Variants in DYNC2I1 observed in about 807,000 individuals in gnomAD.
The protein encoded by DYNC2I1 is dynein 2 intermediate chain 1, also known as cytoplasmic dynein 2 intermediate chain 1.
A neutral mutation model predicts 133.4 loss-of-function variants in DYNC2I1; 89 were observed. That is an observed-to-expected ratio of 0.67 (90% confidence interval 0.56 to 0.80). DYNC2I1 has a LOEUF of 0.80. Among genes scored for constraint, DYNC2I1 ranks in the 30% least tolerant of loss-of-function variants. The probability of loss-of-function intolerance (pLI) is 0.00; values close to 1 mark genes in which losing one functional copy is unlikely to be tolerated. For missense variants in DYNC2I1, 1,291 were observed against 1,314.5 expected (o/e 0.98, Z 0.28); for synonymous variants, 504 against 484.3 (o/e 1.04, Z -0.54).
chr7:158,945,457 G>A lies in DYNC2I1; in HGVS notation c.3003-124G>A. 1.8e-6 allele frequency: 2 copies of A among 1,097,444 alleles called. No individual in the cohort carries two copies. Among genetic ancestry groups the A allele is most frequent in the Non-Finnish European group, 2.6e-6 (2 of 783,804 alleles). 68.0% of individuals were successfully genotyped at this position (1,097,444 alleles called of 1,614,324 possible). On this transcript the variant is annotated intron_variant, in intron 24 of 24. Transcript: ENST00000407559. This position sits in a 1 kb window ranked among gnomAD's most constrained non-coding sequence, Gnocchi z 4.1. Reference sequence around the variant, plus strand: ...TGGTCTAGCTTTCATTTTGGCTATTGGTATTTTTAGAATTTCTCATCCGTT... The same window carrying A: ...TGGTCTAGCTTTCATTTTGGCTATTAGTATTTTTAGAATTTCTCATCCGTT...
At chr7:158,891,384 C>G in intron 8 of DYNC2I1, 51 bp downstream of exon 8, 3 of 1,602,252 alleles carry the variant, frequency 1.9e-6, no homozygotes, top group Non-Finnish European at 2.6e-6. Flanking sequence ...CAGCACAGAC[C>G]CACTCACATT....
chr7:158,853,650 C>T (rs1437987555), upstream of DYNC2I1, among the ~76,000 whole-genome samples: 1 of 141,434 alleles, frequency 7.1e-6, no homozygotes, highest in Admixed American at 7.3e-5. Context: ...TATGGGAGAC[C>T]AGAGGTTTTT....
rs371620610 is a variant in DYNC2I1, at chr7:158,922,574, C to T, written c.2094+25C>T. The T allele has an allele frequency of 4.1e-5, 65 of 1,604,904 alleles. 1 individual carries two copies. The highest frequency in any genetic ancestry group is 3.7e-4 in the Admixed American group (22 of 58,960). ...GGTACAGCTCAGGATGAGAGTCGCA[C>T]GTTTGATGGGAGGATGGGCAGTGGA... On this transcript the variant is annotated intron_variant, in intron 16 of 24. Coordinates refer to ENST00000407559, the MANE Select transcript of DYNC2I1 (RefSeq NM_018051.5).
In DYNC2I1 at chr7:158,911,615, A is replaced by G; in HGVS notation, c.1526A>G (p.Asp509Gly). The G allele has an allele frequency of 6.2e-7, 1 of 1,613,662 alleles. No individual in the cohort carries two copies. Among genetic ancestry groups the G allele is most frequent in the Non-Finnish European group, 8.5e-7 (1 of 1,179,780 alleles). ...LDFSFTFSLL[D>G]LPPVNEYDMY... ...TTTTCATTTACTTTCTCTCTCTTGGATCTACCACCAGTAAATGAATATGAC... is the reference window on the plus strand; with the variant it reads ...TTTTCATTTACTTTCTCTCTCTTGGGTCTACCACCAGTAAATGAATATGAC... The change falls in exon 12 of 25, where the codon GAT (aspartate) becomes GGT (glycine). Residue 509 changes from aspartate to glycine, a missense_variant. Coordinates refer to ENST00000407559, the MANE Select transcript of DYNC2I1 (RefSeq NM_018051.5).
At chr7:158,929,207 C>T (rs1348257815) in intron 20 of DYNC2I1, among the ~76,000 whole-genome samples, 1 of 152,214 alleles carries the variant, frequency 6.6e-6, no homozygotes, top group Non-Finnish European at 1.5e-5. Flanking sequence ...TTTGTGTAGG[C>T]ATTGGATGAG....
At position 158,922,538 on chromosome 7, in the gene DYNC2I1, T is replaced by G. The variant is rs1185325183; in HGVS notation, c.2083T>G (p.Cys695Gly). ...QPSGPQKVLI[C>G]ESQVTCCCLS... ...TTCAGGGCCACAGAAAGTTCTGATA[T>G]GTGAGTCCCAGGTACAGCTCAGGAT... Residue 695 changes from cysteine to glycine, a missense_variant, in exon 16 of 25, where the codon TGT (cysteine) becomes GGT (glycine). Cys to Gly is a radical substitution (Grantham distance 159). Transcript: ENST00000407559. 3 of 1,613,642 alleles carry G rather than the reference T, an allele frequency of 1.9e-6. No homozygotes were observed. The South Asian group carries it at 3.3e-5, about 18-fold the overall frequency.
intron 5 of DYNC2I1, among the ~76,000 whole-genome samples, chr7:158,883,906 C>T (rs1401967303): frequency 5.3e-5 from 8 of 151,234 alleles, no homozygotes; most frequent in Admixed American, 2.0e-4. Flanking sequence ...CCTCGTGATC[C>T]GCCCGCCTCG....
In DYNC2I1 at chr7:158,871,243, C is replaced by T. The variant is rs910837530; in HGVS notation, c.171C>T (p.Cys57=). ...MDLPEHKEPR[C]RDPDQDARSR... The stretch of plus-strand genomic sequence containing the variant: ...TTCCTGAACATAAGGAGCCGAGGTG[C>T]AGGGATCCCGACCAGGATGCCAGGA... The change falls in exon 3 of 25, where the codon TGC becomes TGT. Residue 57 remains cysteine, a synonymous_variant. Transcript: ENST00000407559. 2.5e-6 allele frequency: 4 copies of T among 1,611,488 alleles called. No individual in the cohort carries two copies. Among genetic ancestry groups the T allele is most frequent in the African/African-American group, 2.7e-5 (2 of 74,854 alleles).
chr7:158,861,780 G>A (rs147806882), intron 1 of DYNC2I1, among the ~76,000 whole-genome samples: 256 of 152,272 alleles, frequency 1.7e-3, no homozygotes, highest in African/African-American at 5.9e-3. Flanking sequence ...AGTGAATTAC[G>A]GTGACTGTAG....
intron 11 of DYNC2I1, among the ~76,000 whole-genome samples, chr7:158,910,313 A>G (rs891533620): frequency 1.3e-5 from 2 of 151,926 alleles, no homozygotes; most frequent in African/African-American, 4.8e-5. Context: ...GTGCAGGGCC[A>G]TTGGCTGTGT....
intron 1 of DYNC2I1, among the ~76,000 whole-genome samples, chr7:158,860,056 G>GTT (rs34585662): frequency 1.3e-4 from 18 of 142,936 alleles, no homozygotes; most frequent in Non-Finnish European, 1.5e-4. Flanking sequence ...TGGTATTAGA[G>GTT]TTTTTTTTTT....
chr7:158,955,350 C>T (rs886824158), intron 4 of DYNC2I1, among the ~76,000 whole-genome samples: 2 of 152,202 alleles, frequency 1.3e-5, no homozygotes, highest in Admixed American at 6.5e-5. Flanking sequence ...CTCTGCCATC[C>T]GCTGGCCCTG....
Position 158,913,036 on chromosome 7 carries a change from G to C in DYNC2I1, c.1642G>C (p.Glu548Gln). 9.3e-6 allele frequency: 15 copies of C among 1,613,620 alleles called. No individual in the cohort carries two copies. The highest frequency in any genetic ancestry group is 1.3e-5 in the Non-Finnish European group (15 of 1,179,682). The change falls in exon 13 of 25, where the codon GAA becomes CAA. Residue 548 changes from glutamate (E) to glutamine (Q), a missense_variant. By Grantham distance (29) the Glu-to-Gln change is conservative. Coordinates refer to ENST00000407559, the MANE Select transcript of DYNC2I1 (RefSeq NM_018051.5). ...DNVERDIQTEEIETREVWTQH... is the reference protein window; with the variant it reads ...DNVERDIQTEQIETREVWTQH... The stretch of plus-strand genomic sequence containing the variant: ...TGTTGAAAGAGACATTCAAACGGAG[G>C]AAATAGAGACCAGGGAAGTGTGGAC...
upstream of DYNC2I1, among the ~76,000 whole-genome samples, chr7:158,855,089 C>G (rs897825054): frequency 1.3e-5 from 2 of 152,212 alleles, no homozygotes; most frequent in African/African-American, 2.4e-5. Context: ...TAGACAGAGC[C>G]TATCGAGATG....
chr7:158,865,955 G>T (rs888223813), intron 1 of DYNC2I1, among the ~76,000 whole-genome samples: 1 of 152,108 alleles, frequency 6.6e-6, no homozygotes, highest in Non-Finnish European at 1.5e-5. Flanking sequence ...AGTTTTAAGC[G>T]CTCCAAAGTA....
Position 158,876,778 on chromosome 7 carries a change from A to G in DYNC2I1, c.573+87A>G. Reference sequence around the variant, plus strand: ...GCATTATTGTTGGAAGCATTTTTAGAAAATGTCCTAAGCCAGGATTTCAGT... The same window carrying G: ...GCATTATTGTTGGAAGCATTTTTAGGAAATGTCCTAAGCCAGGATTTCAGT... On this transcript the variant is annotated intron_variant, in intron 4 of 24. Coordinates refer to ENST00000407559, the MANE Select transcript of DYNC2I1 (RefSeq NM_018051.5). 4 of 1,446,022 alleles carry G rather than the reference A, an allele frequency of 2.8e-6. No individual in the cohort carries two copies. In the South Asian group the frequency reaches 6.3e-5, roughly 23 times the overall value. 89.6% of individuals were successfully genotyped at this position (1,446,022 alleles called of 1,614,324 possible).
intron 11 of DYNC2I1, 127 bp downstream of exon 11, chr7:158,906,218 T>C: frequency 1.3e-6 from 1 of 752,516 alleles, no homozygotes; most frequent in South Asian, 1.9e-5. Context: ...ATGACTTAAT[T>C]TGTACTACAC....
chr7:158,843,090 G>A, the DYNC2I1 span, among the ~76,000 whole-genome samples: 2 of 152,124 alleles, frequency 1.3e-5, no homozygotes, highest in African/African-American at 4.8e-5. Context: ...CTGAAGATTG[G>A]CTTTTTTTGT....
chr7:158,927,344 A>G (rs1849724237), intron 20 of DYNC2I1, among the ~76,000 whole-genome samples: 2 of 151,738 alleles, frequency 1.3e-5, no homozygotes, highest in African/African-American at 4.9e-5. Context: ...TTGAGGCTGC[A>G]GTGAGCCGTG....
Sources: allele counts gnomAD v4.1 joint callset (sites outside exome capture counted in the v4.1 genomes callset), GRCh38; gene constraint gnomAD v4.1.1; non-coding constraint Gnocchi (gnomAD v3.1); transcripts MANE v1.5; gene names NCBI Gene and HGNC (gene_info 2026-07-23, HGNC 2026-07-21).